DPP6: variants seen among roughly 807,000 people sequenced by gnomAD.
The protein encoded by DPP6 is dipeptidyl peptidase like 6.
In DPP6, 69 loss-of-function variants were observed where a neutral mutation model predicts 122.6. The observed-to-expected ratio is 0.56, with a 90% CI of 0.46 to 0.69. The LOEUF is 0.69. Among genes scored for constraint, DPP6 ranks in the 30% least tolerant of loss-of-function variants. The probability of loss-of-function intolerance (pLI) is 0.00; values close to 1 mark genes in which losing one functional copy is unlikely to be tolerated. For synonymous variants in DPP6, 418 were observed against 433.1 expected (o/e 0.97, Z 0.43); for missense variants, 928 against 1,116.9 (o/e 0.83, Z 2.41).
intron 8 of DPP6, among the ~76,000 whole-genome samples, chr7:154,763,563 C>G (rs1795707427): frequency 1.3e-5 from 2 of 152,140 alleles, no homozygotes; most frequent in Non-Finnish European, 1.5e-5. Context: ...ATTCCACAGC[C>G]TCCATCAGCA....
chr7:154,305,736 TG>T (rs1023549851), intron 1 of DPP6, among the ~76,000 whole-genome samples: 8 of 152,132 alleles, frequency 5.3e-5, no homozygotes, highest in Admixed American at 5.2e-4. Flanking sequence ...CGTAGAGTGC[TG>T]GGTGCTGCTG....
At chr7:154,225,391 A>T (rs1479571531) in intron 1 of DPP6, among the ~76,000 whole-genome samples, 1 of 152,112 alleles carries the variant, frequency 6.6e-6, no homozygotes, top group East Asian at 1.9e-4. Flanking sequence ...CAGGTACATG[A>T]TTTTGAGCAA....
intron 5 of DPP6, among the ~76,000 whole-genome samples, chr7:154,572,861 G>C (rs1472779036): frequency 1.3e-5 from 2 of 151,674 alleles, no homozygotes; most frequent in Admixed American, 6.6e-5. Context: ...TGTATTTTTG[G>C]TATAGACAGG....
intron 12 of DPP6, among the ~76,000 whole-genome samples, chr7:154,799,236 T>C (rs900519261): frequency 2.0e-5 from 3 of 152,076 alleles, no homozygotes; most frequent in South Asian, 2.1e-4. Flanking sequence ...TCTCTTCTCT[T>C]CCCAACTCCT....
chr7:154,875,800 G>A lies in DPP6; in HGVS notation c.1884-106G>A, dbSNP rs1383055867. 8.9e-6 allele frequency: 13 copies of A among 1,455,902 alleles called. No individual in the cohort carries two copies. Among genetic ancestry groups the A allele is most frequent in the East Asian group, 5.0e-5 (2 of 40,288 alleles). 90.2% of individuals were successfully genotyped at this position (1,455,902 alleles called of 1,614,324 possible). On this transcript the variant is annotated intron_variant, in intron 19 of 25. Transcript: ENST00000377770. The surrounding 1 kb of genome is among the most constrained non-coding windows in gnomAD (Gnocchi z 4.5). ...GTATGGAGTTGAGCGTGTGGCAGCC[G>A]GGTCACGGGTAAAATCCCTTACGGG...
the DPP6 span, among the ~76,000 whole-genome samples, chr7:153,853,054 A>G: frequency 6.6e-6 from 1 of 152,136 alleles, no homozygotes; most frequent in Non-Finnish European, 1.5e-5. Context: ...ACCCAGGCTA[A>G]TTTTACTTAA....
At chr7:153,860,031 T>C in the DPP6 span, among the ~76,000 whole-genome samples, 1 of 152,264 alleles carries the variant, frequency 6.6e-6, no homozygotes, top group African/African-American at 2.4e-5. Flanking sequence ...AACTAATGTG[T>C]AGAAAGGGTT....
intron 1 of DPP6, among the ~76,000 whole-genome samples, chr7:154,185,729 A>G (rs758283851): frequency 4.6e-5 from 7 of 152,188 alleles, no homozygotes; most frequent in Non-Finnish European, 5.9e-5. Flanking sequence ...TCATTTGAGA[A>G]AAGCCTGGGG....
intron 1 of DPP6, among the ~76,000 whole-genome samples, chr7:153,959,859 A>G (rs971560355): frequency 2.0e-5 from 3 of 152,274 alleles, no homozygotes; most frequent in Non-Finnish European, 2.9e-5. Flanking sequence ...ACTGTTTAGC[A>G]CAAGAGGCCT....
chr7:153,918,991 A>G (rs1042400994), intron 1 of DPP6, among the ~76,000 whole-genome samples: 10 of 151,638 alleles, frequency 6.6e-5, no homozygotes, highest in Admixed American at 1.3e-4. Flanking sequence ...AAAAAAAAAA[A>G]AAAAAAGAAA....
At chr7:154,224,168 T>G (rs10228600) in intron 1 of DPP6, among the ~76,000 whole-genome samples, 8,934 of 147,914 alleles carry the variant, frequency 0.06, 1,776 homozygotes, top group African/African-American at 0.22. Flanking sequence ...ATGGTGATGG[T>G]TGAGTGGAGA....
chr7:154,111,795 A>G (rs1008759569), intron 1 of DPP6, among the ~76,000 whole-genome samples: 8 of 152,174 alleles, frequency 5.3e-5, no homozygotes, highest in African/African-American at 1.9e-4. Context: ...TGATGGGAGG[A>G]TATGACTAAC....
chr7:154,607,656 C>T (rs1414625667), intron 5 of DPP6, among the ~76,000 whole-genome samples: 3 of 111,586 alleles, frequency 2.7e-5, no homozygotes, highest in Non-Finnish European at 5.9e-5. Flanking sequence ...GTTAGACAGA[C>T]GATTCATCTT....
intron 1 of DPP6, among the ~76,000 whole-genome samples, chr7:153,921,109 G>A (rs894254641): frequency 9.9e-5 from 15 of 152,262 alleles, no homozygotes; most frequent in African/African-American, 3.6e-4. Context: ...GAAAGCGAGT[G>A]TTAGGAGCCA....
chr7:154,206,104 C>T (rs1799431669), intron 1 of DPP6, among the ~76,000 whole-genome samples: 1 of 152,258 alleles, frequency 6.6e-6, no homozygotes, highest in African/African-American at 2.4e-5. Flanking sequence ...CAGGATGTCC[C>T]ACAACACAAA....
chr7:154,654,698 G>A (rs1386843581), intron 6 of DPP6, among the ~76,000 whole-genome samples: 6 of 151,860 alleles, frequency 4.0e-5, no homozygotes, highest in Non-Finnish European at 8.8e-5. Flanking sequence ...GATTACAAGC[G>A]TGAGCCACCG....
At chr7:154,314,911 A>G (rs2151006154) in intron 1 of DPP6, among the ~76,000 whole-genome samples, 1 of 152,354 alleles carries the variant, frequency 6.6e-6, no homozygotes, top group African/African-American at 2.4e-5. Flanking sequence ...TCAGTTAAGA[A>G]AAGGTTTGTG....
intron 1 of DPP6, among the ~76,000 whole-genome samples, chr7:154,021,260 G>C (rs1044575462): frequency 6.6e-6 from 1 of 152,108 alleles, no homozygotes; most frequent in African/African-American, 2.4e-5. Context: ...GAGACTGATT[G>C]GGCTGTCACC....
At chr7:154,687,778 G>T (rs149643979) in intron 7 of DPP6, among the ~76,000 whole-genome samples, 99 of 152,258 alleles carry the variant, frequency 6.5e-4, no homozygotes, top group South Asian at 1.7e-3. Context: ...TAGTCTCGTA[G>T]ATTATCTTGT....
Sources: gnomAD v4.1 joint callset for allele counts (sites outside exome capture counted in the v4.1 genomes callset) on GRCh38, gnomAD v4.1.1 for gene constraint, Gnocchi (gnomAD v3.1) non-coding constraint, MANE v1.5 for transcripts, NCBI Gene and HGNC (gene_info 2026-07-23, HGNC 2026-07-21) for gene names.